The following MS4A15 variants were observed in gnomAD, a reference collection of about 807,000 sequenced individuals.
The protein encoded by MS4A15 is membrane spanning 4-domains A15.
MS4A15 carries 22 observed loss-of-function variants against 20.6 expected under a neutral mutation model. That is an observed-to-expected ratio of 1.07 (90% CI 0.76 to 1.52). The LOEUF is 1.52. Among genes scored for constraint, MS4A15 ranks in the 40% most tolerant of loss-of-function variants. MS4A15 has a pLI of 0.00. For synonymous variants in MS4A15, 129 were observed against 129.3 expected, an observed-to-expected ratio of 1.00 and a Z score of 0.02; for missense variants, 312 against 323.0, an observed-to-expected ratio of 0.97 and a Z score of 0.26.
At chr11:60,773,326 A>G in intron 4 of MS4A15, 66 bp from the exon 5 acceptor site, 1 of 1,393,006 alleles carries the variant, frequency 7.2e-7, no homozygotes, top group Non-Finnish European at 9.9e-7. Flanking sequence ...CAGCTGAGCC[A>G]CAGCCCCTGC....
rs1394062772 is a variant in MS4A15 at position 60,773,687 on chromosome 11, G to T, written c.499-150G>T. 1.0e-5 allele frequency: 8 copies of T among 788,236 alleles called. No homozygotes were observed. In the South Asian group the frequency reaches 1.2e-4, roughly 12 times the overall value. 48.8% of individuals were successfully genotyped at this position (788,236 alleles called of 1,614,324 possible). ...CAAGGAGGCAGCCTGCAGGGTGAAG[G>T]GGAGGGTGCAGGACTGGCGGCAGGG... On this transcript the variant is annotated intron_variant, in intron 5 of 6. Transcript: ENST00000405633.
chr11:60,771,404 C>A, intron 4 of MS4A15, 57 bp downstream of exon 4: 1 of 1,606,230 alleles, frequency 6.2e-7, no homozygotes, highest in South Asian at 1.1e-5. Flanking sequence ...AAATCTCACT[C>A]TACCCTGCCC....
In MS4A15 at chr11:60,763,430, A is replaced by G. The variant is rs553950133; in HGVS notation, c.-28-276A>G. On this transcript the variant is annotated intron_variant, in intron 1 of 6. Coordinates refer to ENST00000405633, the MANE Select transcript of MS4A15 (RefSeq NM_001098835.2). ...AGGGCATTTAAATAAACACTCCTCC[A>G]AAAGGAGCTTTCCACATAATATAGC... Among the ~76,000 whole-genome samples the G allele has an allele frequency of 5.3e-5, 8 of 152,280 alleles. No individual in the cohort carries two copies. In the South Asian group the frequency reaches 1.5e-3, roughly 28 times the overall value.
intron 2 of MS4A15, among the ~76,000 whole-genome samples, chr11:60,765,499 T>C (rs1853862289): frequency 6.6e-6 from 1 of 152,128 alleles, no homozygotes; most frequent in South Asian, 2.1e-4. Context: ...GGACTTTGCA[T>C]GCATCATCTC....
chr11:60,765,285 C>T (rs1357031534), intron 2 of MS4A15, among the ~76,000 whole-genome samples: 1 of 152,092 alleles, frequency 6.6e-6, no homozygotes, highest in Non-Finnish European at 1.5e-5. Context: ...TATGTAGGAA[C>T]TCAAATTATG....
At chr11:60,775,167 A>T (rs1196946567) in intron 6 of MS4A15, among the ~76,000 whole-genome samples, 1 of 152,020 alleles carries the variant, frequency 6.6e-6, no homozygotes, top group East Asian at 1.9e-4. Context: ...AATACAAAAA[A>T]TTACCTGGGC....
intron 1 of MS4A15, among the ~76,000 whole-genome samples, chr11:60,759,410 G>A (rs768006762): frequency 2.3e-4 from 35 of 152,242 alleles, no homozygotes; most frequent in Non-Finnish European, 4.1e-4. Context: ...GCGGAAAGCC[G>A]CAGGGACCTC....
chr11:60,768,782 C>T (rs1853948280), intron 3 of MS4A15, among the ~76,000 whole-genome samples: 1 of 152,208 alleles, frequency 6.6e-6, no homozygotes, highest in Non-Finnish European at 1.5e-5. Flanking sequence ...TTGAGCAAGT[C>T]CTTTTTCGAG....
Position 60,763,826 on chromosome 11 carries a change from A to G in MS4A15, c.93A>G (p.Thr31=). 6.2e-7 allele frequency: 1 copy of G among 1,612,602 alleles called. No homozygotes were observed. The highest frequency in any genetic ancestry group is 2.2e-5 in the East Asian group (1 of 44,874). ...GLCPPPAILP[T]SMCQPPGIMQ... is the part of the protein sequence containing the mutation. ...GCCCACCTCCGGCCATTCTGCCCAC[A>G]TCCATGTGCCAACCTCCAGGGATTA... The change falls in exon 2 of 7, where the codon ACA becomes ACG. Residue 31 remains threonine (T), a synonymous_variant. Coordinates refer to ENST00000405633, the MANE Select transcript of MS4A15 (RefSeq NM_001098835.2).
At chr11:60,767,704 C>T (rs1420812327) in intron 3 of MS4A15, 49 bp downstream of exon 3, 2 of 1,488,180 alleles carry the variant, frequency 1.3e-6, no homozygotes, top group South Asian at 1.3e-5. Context: ...GCTGCCCAGG[C>T]TCACCTCTCC....
chr11:60,771,452 C>T (rs778073686), intron 4 of MS4A15, 105 bp downstream of exon 4: 1 of 1,563,300 alleles, frequency 6.4e-7, no homozygotes, highest in South Asian at 1.2e-5. Context: ...TTCCCCAGCA[C>T]TTCAGGGGAC....
chr11:60,764,973 A>C (rs1225664603), intron 2 of MS4A15, among the ~76,000 whole-genome samples: 1 of 152,248 alleles, frequency 6.6e-6, no homozygotes, highest in African/African-American at 2.4e-5. Context: ...TGAGCTAAGA[A>C]TAATTCAGGA....
At position 60,773,711 on chromosome 11, in the gene MS4A15, G is replaced by T; in HGVS notation, c.499-126G>T. On this transcript the variant is annotated intron_variant, in intron 5 of 6. Transcript: ENST00000405633. ...GGGGAGGGTGCAGGACTGGCGGCAG[G>T]GGGACTGGCTCCAGGCACAGCTCTG... The T allele has an allele frequency of 3.5e-6, 3 of 865,486 alleles. No individual in the cohort carries two copies. The South Asian group carries it at 4.3e-5, about 13-fold the overall frequency. 53.6% of individuals were successfully genotyped at this position (865,486 alleles called of 1,614,324 possible). A position where few individuals can be genotyped will look rare whatever the true frequency, so the allele number is the denominator to read the frequency against.
At chr11:60,770,453 C>T (rs1198840562) in intron 3 of MS4A15, among the ~76,000 whole-genome samples, 1 of 151,772 alleles carries the variant, frequency 6.6e-6, no homozygotes. Flanking sequence ...CCAAAATTAG[C>T]TGGGTGTGGT....
intron 3 of MS4A15, among the ~76,000 whole-genome samples, chr11:60,770,132 T>C (rs1025136130): frequency 2.6e-5 from 4 of 152,214 alleles, no homozygotes; most frequent in Non-Finnish European, 4.4e-5. Context: ...GTCCCTGGGC[T>C]ATCCTTATGG....
At chr11:60,759,206 T>C (rs1487520601) in intron 1 of MS4A15, among the ~76,000 whole-genome samples, 2 of 152,252 alleles carry the variant, frequency 1.3e-5, no homozygotes, top group Non-Finnish European at 2.9e-5. Context: ...AAAATTGTTA[T>C]GCTTTGAGAC....
chr11:60,771,789 C>T, intron 4 of MS4A15: 1 of 1,203,750 alleles, frequency 8.3e-7, no homozygotes, highest in Non-Finnish European at 1.1e-6. Context: ...AGAAATCAGA[C>T]AGAGAGATTT....
intron 3 of MS4A15, among the ~76,000 whole-genome samples, chr11:60,770,710 C>T (rs1854012612): frequency 6.6e-6 from 1 of 151,506 alleles, no homozygotes; most frequent in Non-Finnish European, 1.5e-5. Flanking sequence ...TTTGGTTTTT[C>T]TGTTTTTTGT....
rs573518947 is a variant in MS4A15, at chr11:60,775,920, G to A, written c.*205G>A. 16 of 486,532 alleles carry A rather than the reference G, an allele frequency of 3.3e-5. No individual in the cohort carries two copies. The highest frequency in any genetic ancestry group is 1.5e-4 in the African/African-American group (8 of 52,214). 30.1% of individuals were successfully genotyped at this position (486,532 alleles called of 1,614,324 possible). A position where few individuals can be genotyped will look rare whatever the true frequency, so the allele number is the denominator to read the frequency against. ...CAGTGCTTTCTTTCTAAAAGACACC[G>A]GGCTGACGTCAGGGGTGTGTGTCCT... On this transcript the variant is annotated 3_prime_UTR_variant, in exon 7 of 7. Transcript: ENST00000405633.
Sources: gnomAD v4.1 joint callset for allele counts (sites outside exome capture counted in the v4.1 genomes callset) on GRCh38, gnomAD v4.1.1 for gene constraint, MANE v1.5 for transcripts, NCBI Gene and HGNC (gene_info 2026-07-23, HGNC 2026-07-21) for gene names.